Variants in MSRB3 observed in about 807,000 individuals in gnomAD.
MSRB3 encodes methionine sulfoxide reductase B3.
Under a neutral mutation model 21.0 loss-of-function variants are expected in MSRB3, and 13 were observed. The observed-to-expected ratio is 0.62, with a 90% CI of 0.40 to 0.98. The LOEUF (loss-of-function observed/expected upper bound fraction) is 0.98. Ranked by LOEUF, MSRB3 falls within the 50% of genes least tolerant of loss-of-function variation. MSRB3 has a pLI of 0.00. For missense variants in MSRB3, 199 were observed against 230.3 expected (o/e 0.86, Z 0.88); for synonymous variants, 87 against 88.6 (o/e 0.98, Z 0.10).
intron 5 of MSRB3, chr12:65,418,650 A>G: frequency 1.6e-6 from 1 of 609,700 alleles, no homozygotes; most frequent in Non-Finnish European, 2.9e-6. Flanking sequence ...ATCCATTTTG[A>G]GTTTTTTTTT....
chr12:65,347,743 A>T (rs889251953), intron 4 of MSRB3, among the ~76,000 whole-genome samples: 1 of 152,106 alleles, frequency 6.6e-6, no homozygotes, highest in Non-Finnish European at 1.5e-5. Flanking sequence ...AACTCTTATT[A>T]TTTGCAGATA....
chr12:65,404,905 C>T (rs1332892428), intron 5 of MSRB3, among the ~76,000 whole-genome samples: 1 of 151,906 alleles, frequency 6.6e-6, no homozygotes, highest in Non-Finnish European at 1.5e-5. Context: ...CAACATTTCC[C>T]CAATTCCTCC....
intron 1 of MSRB3, among the ~76,000 whole-genome samples, chr12:65,308,105 A>G (rs1390983212): frequency 6.6e-6 from 1 of 152,084 alleles, no homozygotes; most frequent in Non-Finnish European, 1.5e-5. Flanking sequence ...GTGCCCTTGG[A>G]CTTTTGAGTC....
At position 65,278,755 on chromosome 12, in the gene MSRB3, T is replaced by C. The variant is rs1054981224; in HGVS notation, c.-162T>C. Reference sequence around the variant, plus strand: ...GCGAGGTTCGGACACCGGCGGCGGCTGCCTGGCCTTTCCATGAGCCCGCGG... The same window carrying C: ...GCGAGGTTCGGACACCGGCGGCGGCCGCCTGGCCTTTCCATGAGCCCGCGG... On this transcript the variant is annotated 5_prime_UTR_variant, in exon 1 of 7. Coordinates refer to ENST00000308259, the MANE Select transcript of MSRB3 (RefSeq NM_001031679.3). 21 of 1,575,126 alleles carry C rather than the reference T, an allele frequency of 1.3e-5. No homozygotes were observed. Among genetic ancestry groups the C allele is most frequent in the Non-Finnish European group, 1.8e-5 (21 of 1,162,576 alleles).
At chr12:65,436,450 A>G (rs543119870) in intron 5 of MSRB3, among the ~76,000 whole-genome samples, 1 of 151,924 alleles carries the variant, frequency 6.6e-6, no homozygotes, top group African/African-American at 2.4e-5. Context: ...TTTAAAGATC[A>G]TTTTTCCATT....
At chr12:65,417,810 A>AT (rs893419227) in intron 5 of MSRB3, among the ~76,000 whole-genome samples, 1 of 152,074 alleles carries the variant, frequency 6.6e-6, no homozygotes, top group African/African-American at 2.4e-5. Context: ...AAATGACAGG[A>AT]TTTTCTTCTT....
intron 5 of MSRB3, among the ~76,000 whole-genome samples, chr12:65,418,077 A>G (rs1211349228): frequency 6.6e-6 from 1 of 152,202 alleles, no homozygotes; most frequent in Non-Finnish European, 1.5e-5. Context: ...ATTCTCCCCA[A>G]CAGTGTACAA....
At chr12:65,450,227 G>T (rs1196695521) in intron 5 of MSRB3, among the ~76,000 whole-genome samples, 1 of 152,126 alleles carries the variant, frequency 6.6e-6, no homozygotes, top group East Asian at 1.9e-4. Flanking sequence ...GCATATTCTG[G>T]AGTTGCTTCA....
At chr12:65,378,129 T>A (rs1468330108) in intron 5 of MSRB3, among the ~76,000 whole-genome samples, 1 of 152,218 alleles carries the variant, frequency 6.6e-6, no homozygotes, top group Non-Finnish European at 1.5e-5. Flanking sequence ...GTGCTTAGAC[T>A]AGTCCTTGGC....
At chr12:65,441,447 C>T (rs960985274) in intron 5 of MSRB3, among the ~76,000 whole-genome samples, 3 of 151,934 alleles carry the variant, frequency 2.0e-5, no homozygotes, top group East Asian at 1.9e-4. Flanking sequence ...GTAACTAATT[C>T]GGCTACAAAG....
At position 65,331,485 on chromosome 12, in the gene MSRB3, T is replaced by G. The variant is rs76511283; in HGVS notation, c.263+2882T>G. Among the ~76,000 whole-genome samples the G allele has an allele frequency of 1.1e-3, 173 of 152,220 alleles. 2 individuals are homozygous for G. The East Asian group carries it at 0.031, about 27-fold the overall frequency. On this transcript the variant is annotated intron_variant, in intron 4 of 6. Transcript: ENST00000308259. ...TGTTGCCACTAAACAGCAGAGAAGT[T>G]GTTATGGTGCCATGATGGTGCAACT... is the stretch of plus-strand genomic sequence containing the variant.
chr12:65,348,797 C>T (rs1876715649), intron 4 of MSRB3, among the ~76,000 whole-genome samples: 1 of 152,146 alleles, frequency 6.6e-6, no homozygotes, highest in African/African-American at 2.4e-5. Context: ...TCTTTGTTCT[C>T]ATTGGTTTCA....
intron 4 of MSRB3, among the ~76,000 whole-genome samples, chr12:65,330,245 A>G (rs1875322196): frequency 6.6e-6 from 1 of 152,224 alleles, no homozygotes; most frequent in Admixed American, 6.5e-5. Context: ...TGAGTCACAA[A>G]TCCTAAAAGC....
chr12:65,451,257 A>ATTTATT (rs113261964), intron 5 of MSRB3, among the ~76,000 whole-genome samples: 1 of 152,076 alleles, frequency 6.6e-6, no homozygotes, highest in Admixed American at 6.6e-5. Flanking sequence ...AAATATCTTT[A>ATTTATT]TTTATTTTTA....
At chr12:65,299,146 T>C (rs1165142414) in intron 1 of MSRB3, among the ~76,000 whole-genome samples, 1 of 152,218 alleles carries the variant, frequency 6.6e-6, no homozygotes, top group Non-Finnish European at 1.5e-5. Context: ...CTTTCATAAT[T>C]TTGGTTAATA....
intron 4 of MSRB3, among the ~76,000 whole-genome samples, chr12:65,355,590 A>G (rs1877335687): frequency 6.6e-6 from 1 of 151,688 alleles, no homozygotes; most frequent in Admixed American, 6.6e-5. Context: ...TTTTTATTCT[A>G]AGGAAACTTG....
intron 5 of MSRB3, chr12:65,418,647 T>G: frequency 1.6e-6 from 1 of 621,390 alleles, no homozygotes; most frequent in Non-Finnish European, 2.8e-6. Flanking sequence ...CTAATCCATT[T>G]TGAGTTTTTT....
At chr12:65,395,357 T>G (rs1305902562) in intron 5 of MSRB3, among the ~76,000 whole-genome samples, 1 of 151,862 alleles carries the variant, frequency 6.6e-6, no homozygotes, top group African/African-American at 2.4e-5. Context: ...TCCCAGTTAC[T>G]CAGGAGGCCG....
rs118108767 is a variant in MSRB3, at chr12:65,426,372, C to G, written c.293-27356C>G. Among the ~76,000 whole-genome samples, 506 of 152,254 alleles carry G rather than the reference C, an allele frequency of 3.3e-3. 12 individuals carry two copies. The East Asian group carries it at 0.073, about 22-fold the overall frequency. On this transcript the variant is annotated intron_variant, in intron 5 of 6. Transcript: ENST00000308259. ...CTCCCCCTGCACTTATATCACCCCA[C>G]TCTTTCCTGGCCTGTAAGGTTCCTG...
Sources: gnomAD v4.1 joint callset for allele counts (sites outside exome capture counted in the v4.1 genomes callset) on GRCh38, gnomAD v4.1.1 for gene constraint, MANE v1.5 for transcripts, NCBI Gene and HGNC (gene_info 2026-07-23, HGNC 2026-07-21) for gene names.